Variants in PPM1E observed in about 807,000 individuals in gnomAD.
The protein encoded by PPM1E is protein phosphatase 1E.
In PPM1E, 20 loss-of-function variants were observed where a neutral mutation model predicts 65.9. The ratio of observed to expected loss-of-function variants is 0.30; its 90% confidence interval spans 0.21 to 0.44. PPM1E has a LOEUF of 0.44. PPM1E is among the 20% of genes least tolerant of loss of function. The pLI, the probability that PPM1E is intolerant of heterozygous loss-of-function variation, is 1.00. For synonymous variants in PPM1E, 352 were observed against 374.9 expected (o/e 0.94, Z 0.70); for missense variants, 713 against 953.1 (o/e 0.75, Z 3.32).
chr17:58,939,188 G>A (rs1465690441), intron 1 of PPM1E, among the ~76,000 whole-genome samples: 2 of 152,134 alleles, frequency 1.3e-5, no homozygotes, highest in East Asian at 3.8e-4. Context: ...AAAATAATTT[G>A]TGTAAGTAAA....
intron 1 of PPM1E, among the ~76,000 whole-genome samples, chr17:58,947,825 T>G (rs1481236305): frequency 1.3e-5 from 2 of 152,184 alleles, no homozygotes. Flanking sequence ...TCACCTTATC[T>G]CTGTTCCAAC....
intron 1 of PPM1E, among the ~76,000 whole-genome samples, chr17:58,857,002 A>G (rs774388429): frequency 2.6e-5 from 4 of 152,198 alleles, no homozygotes; most frequent in Non-Finnish European, 5.9e-5. Context: ...AATAGTCCAG[A>G]GAACACCCTT....
chr17:58,773,526 G>C (rs2049961202), intron 1 of PPM1E, among the ~76,000 whole-genome samples: 1 of 152,032 alleles, frequency 6.6e-6, no homozygotes, highest in Non-Finnish European at 1.5e-5. Context: ...CCCCAGTATT[G>C]TACCAAAAGA....
At chr17:58,912,943 A>T (rs2051644607) in intron 1 of PPM1E, among the ~76,000 whole-genome samples, 1 of 152,080 alleles carries the variant, frequency 6.6e-6, no homozygotes, top group Non-Finnish European at 1.5e-5. Flanking sequence ...CACACCTTTA[A>T]CTCCACAGGG....
At position 58,756,295 on chromosome 17, in the gene PPM1E, G is replaced by GAGA; in HGVS notation, c.300_301insAAG (p.Glu100_Gly101insLys). On this transcript the variant is annotated inframe_insertion, in exon 1 of 7. Transcript: ENST00000308249. ...GGCGGTTGAGGGTGAGGAGGAGGAG[G>GAGA]AGGGCGCGGCGACGGCGGCGGCAGC... 1 of 1,528,414 alleles carries GAGA rather than the reference G, an allele frequency of 6.5e-7. No homozygotes were observed. Among genetic ancestry groups the GAGA allele is most frequent in the African/African-American group, 1.4e-5 (1 of 71,238 alleles). The allele number at this position is 1,528,414 out of a possible 1,614,324, so 94.7% of individuals were successfully genotyped here. A position where few individuals can be genotyped will look rare whatever the true frequency, so the allele number is the denominator to read the frequency against.
intron 1 of PPM1E, among the ~76,000 whole-genome samples, chr17:58,837,332 T>TACACACACACACACACACAC (rs59797345): frequency 5.3e-5 from 7 of 131,360 alleles, no homozygotes; most frequent in Admixed American, 7.9e-5. Flanking sequence ...CACACACACA[T>TACACACACACACACACACAC]ACACACACAC....
At chr17:58,775,211 G>A (rs1218545697) in intron 1 of PPM1E, among the ~76,000 whole-genome samples, 1 of 152,124 alleles carries the variant, frequency 6.6e-6, no homozygotes, top group Non-Finnish European at 1.5e-5. Flanking sequence ...TGCTTGTAAT[G>A]TAGAACACTG....
intron 1 of PPM1E, among the ~76,000 whole-genome samples, chr17:58,759,037 A>T (rs188604049): frequency 2.6e-4 from 40 of 152,190 alleles, no homozygotes; most frequent in Non-Finnish European, 2.9e-4. Context: ...ACTGCTGTCC[A>T]TTCCAGCCTG....
At position 58,960,275 on chromosome 17, in the gene PPM1E, G is replaced by C. The variant is rs559381337; in HGVS notation, c.583+4508G>C. ...CAAGTTGAGCAGGAAAACAAGAGTA[G>C]ATTTTCTCAGTTGTTTTTACAGAAG... On this transcript the variant is annotated intron_variant, in intron 2 of 6. Coordinates refer to ENST00000308249, the MANE Select transcript of PPM1E (RefSeq NM_014906.5). Among the ~76,000 whole-genome samples, 21 of 152,252 alleles carry C rather than the reference G, an allele frequency of 1.4e-4. No individual in the cohort carries two copies. In the East Asian group the frequency reaches 3.9e-3, roughly 28 times the overall value.
At chr17:58,823,793 C>G (rs531558114) in intron 1 of PPM1E, among the ~76,000 whole-genome samples, 1 of 151,902 alleles carries the variant, frequency 6.6e-6, no homozygotes. Context: ...TGCAGTGGCT[C>G]GATCTCAGCT....
chr17:58,889,620 G>T (rs1199637319), intron 1 of PPM1E, among the ~76,000 whole-genome samples: 1 of 152,054 alleles, frequency 6.6e-6, no homozygotes, highest in Non-Finnish European at 1.5e-5. Context: ...AATTATTTTA[G>T]ATTTTTTTCT....
intron 1 of PPM1E, among the ~76,000 whole-genome samples, chr17:58,773,097 A>G (rs1230651619): frequency 6.6e-6 from 1 of 151,734 alleles, no homozygotes; most frequent in Non-Finnish European, 1.5e-5. Context: ...AATCCTATTT[A>G]CTTCCTAAAG....
intron 1 of PPM1E, among the ~76,000 whole-genome samples, chr17:58,830,557 C>T (rs1290471721): frequency 6.6e-6 from 1 of 152,060 alleles, no homozygotes; most frequent in African/African-American, 2.4e-5. Context: ...CCGCCCACCT[C>T]GGTCTCCCAA....
chr17:58,927,185 G>T (rs2051834011), intron 1 of PPM1E, among the ~76,000 whole-genome samples: 1 of 145,302 alleles, frequency 6.9e-6, no homozygotes, highest in Non-Finnish European at 1.5e-5. Context: ...GGAGTGCAGT[G>T]GCTCGGTCTC....
In PPM1E at chr17:58,805,976, AAAAAAAAACAAAACAAAACAAAAC is replaced by A. The variant is rs1567838859; in HGVS notation, c.464+49524_464+49547del. Among the ~76,000 whole-genome samples the A allele has an allele frequency of 4.0e-3, 433 of 109,310 alleles. 5 individuals are homozygous for A. The highest frequency in any genetic ancestry group is 6.6e-3 in the Non-Finnish European group (365 of 55,592). 71.7% of individuals were successfully genotyped at this position (109,310 alleles called of 152,430 possible). On this transcript the variant is annotated intron_variant, in intron 1 of 6. Transcript: ENST00000308249. Reference sequence around the variant, plus strand: ...AAAAAAAAAACAAAAAAAAAAAACAAAAAAAAAACAAAACAAAACAAAACAAAAAAAAAACTATATGTAGCATTT... The same window carrying A: ...AAAAAAAAAACAAAAAAAAAAAACAAAAAAAAAAAACTATATGTAGCATTT...
intron 1 of PPM1E, among the ~76,000 whole-genome samples, chr17:58,933,420 C>T (rs1012795310): frequency 1.3e-5 from 2 of 152,108 alleles, no homozygotes; most frequent in African/African-American, 4.8e-5. Flanking sequence ...ACTAAGATGC[C>T]TTCTACCATG....
At chr17:58,806,615 A>C (rs777938538) in intron 1 of PPM1E, among the ~76,000 whole-genome samples, 1 of 151,880 alleles carries the variant, frequency 6.6e-6, no homozygotes, top group Non-Finnish European at 1.5e-5. Context: ...TTGACTTGAG[A>C]GAGAGGGATG....
At chr17:58,977,991 C>T (rs2031122475) in intron 6 of PPM1E, among the ~76,000 whole-genome samples, 1 of 152,246 alleles carries the variant, frequency 6.6e-6, no homozygotes, top group Admixed American at 6.5e-5. Context: ...ATCCTCCCGC[C>T]TTGGCCTCCC....
chr17:58,961,678 C>T (rs865965603), intron 2 of PPM1E, among the ~76,000 whole-genome samples: 1 of 152,142 alleles, frequency 6.6e-6, no homozygotes, highest in African/African-American at 2.4e-5. Context: ...GTCCAATAGA[C>T]AGTGCAATGA....
Sources: gnomAD v4.1 joint callset for allele counts (sites outside exome capture counted in the v4.1 genomes callset) on GRCh38, gnomAD v4.1.1 for gene constraint, MANE v1.5 for transcripts, NCBI Gene and HGNC (gene_info 2026-07-23, HGNC 2026-07-21) for gene names.